The following PIK3C3 variants were observed in gnomAD, a reference collection of about 807,000 sequenced individuals.
PIK3C3 encodes PI3-kinase type 3.
A neutral mutation model predicts 126.1 loss-of-function variants in PIK3C3; 95 were observed. The ratio of observed to expected loss-of-function variants is 0.75; its 90% confidence interval spans 0.64 to 0.89. PIK3C3 has a LOEUF of 0.89. Among genes scored for constraint, PIK3C3 ranks in the 40% least tolerant of loss-of-function variants. The pLI is 0.00. For missense variants in PIK3C3, 829 were observed against 1,063.2 expected, an observed-to-expected ratio of 0.78 and a Z score of 3.06; for synonymous variants, 374 against 360.0, an observed-to-expected ratio of 1.04 and a Z score of -0.44.
chr18:41,966,760 T>C (rs1354694924), intron 3 of PIK3C3, among the ~76,000 whole-genome samples: 1 of 152,182 alleles, frequency 6.6e-6, no homozygotes, highest in Non-Finnish European at 1.5e-5. Context: ...CTGTTTTCCA[T>C]AGTCAGATAT....
At chr18:41,960,928 G>T (rs1211813369) in intron 2 of PIK3C3, among the ~76,000 whole-genome samples, 1 of 151,934 alleles carries the variant, frequency 6.6e-6, no homozygotes, top group Non-Finnish European at 1.5e-5. Context: ...TTTTAGTAGA[G>T]ACACGGTTTC....
intron 23 of PIK3C3, among the ~76,000 whole-genome samples, chr18:42,066,984 C>T (rs988745871): frequency 3.3e-5 from 5 of 151,818 alleles, no homozygotes; most frequent in Non-Finnish European, 4.4e-5. Context: ...TCATCCAATT[C>T]ACAAGGAATA....
chr18:42,053,599 A>AT (rs570246564), intron 21 of PIK3C3, among the ~76,000 whole-genome samples: 2 of 152,000 alleles, frequency 1.3e-5, no homozygotes, highest in African/African-American at 2.4e-5. Context: ...AAAATAATAG[A>AT]TTTTTTCCCA....
intron 20 of PIK3C3, 146 bp from the exon 21 acceptor site, chr18:42,049,385 A>ATTGCATAT (rs1239762002): frequency 2.0e-6 from 1 of 498,312 alleles, no homozygotes; most frequent in African/African-American, 2.0e-5. Context: ...AGACATGAAG[A>ATTGCATAT]TTGCATATTT....
chr18:42,050,462 T>C (rs564128594), intron 21 of PIK3C3: 2 of 152,326 alleles, frequency 1.3e-5, no homozygotes, highest in Admixed American at 1.3e-4. Context: ...ATTGTCATTA[T>C]ATATGGCCAG....
At chr18:42,069,021 G>A (rs957914586) in intron 24 of PIK3C3, among the ~76,000 whole-genome samples, 1 of 151,910 alleles carries the variant, frequency 6.6e-6, no homozygotes, top group Non-Finnish European at 1.5e-5. Flanking sequence ...CTTCCTGAAG[G>A]CTGGGCTTTG....
At chr18:42,015,587 G>A (rs1483908894) in intron 12 of PIK3C3, 21 bp downstream of exon 12, 4 of 1,556,738 alleles carry the variant, frequency 2.6e-6, no homozygotes, top group Non-Finnish European at 3.5e-6. Flanking sequence ...AGCTTTTCCA[G>A]CTTCCTATAG....
intron 7 of PIK3C3, among the ~76,000 whole-genome samples, 181 bp downstream of exon 7, chr18:41,993,522 A>G (rs1981881191): frequency 6.6e-6 from 1 of 152,130 alleles, no homozygotes; most frequent in South Asian, 2.1e-4. Flanking sequence ...AGGAATATTA[A>G]CATCTTAAAA....
chr18:41,984,436 T>C (rs1239573247), intron 4 of PIK3C3, among the ~76,000 whole-genome samples: 1 of 152,106 alleles, frequency 6.6e-6, no homozygotes, highest in Non-Finnish European at 1.5e-5. Flanking sequence ...TAGTGCTTTA[T>C]AGTTTTATAA....
intron 3 of PIK3C3, among the ~76,000 whole-genome samples, chr18:41,969,845 T>C (rs1157999852): frequency 6.6e-6 from 1 of 152,232 alleles, no homozygotes; most frequent in Non-Finnish European, 1.5e-5. Context: ...TTAAGTAGTT[T>C]ACCCTAGGTT....
At chr18:42,079,845 G>A (rs901099292) in intron 24 of PIK3C3, among the ~76,000 whole-genome samples, 1 of 152,068 alleles carries the variant, frequency 6.6e-6, no homozygotes, top group Non-Finnish European at 1.5e-5. Flanking sequence ...CCTTCAAAAA[G>A]AACCTTCTTT....
chr18:42,083,885 T>C lies in PIK3C3; in HGVS notation c.*2748T>C, dbSNP rs1482533921. 6.6e-6 allele frequency: 1 copy of C among 152,214 alleles called. No homozygotes were observed. Among genetic ancestry groups the C allele is most frequent in the Non-Finnish European group, 1.5e-5 (1 of 68,060 alleles). 9.4% of individuals were successfully genotyped at this position (152,214 alleles called of 1,614,324 possible). ...CAGCTTTCATTTTTCACTGAGATAATGGTAGTGATAGTACTGACCTCTAAT... is the reference window on the plus strand; with the variant it reads ...CAGCTTTCATTTTTCACTGAGATAACGGTAGTGATAGTACTGACCTCTAAT... On this transcript the variant is annotated 3_prime_UTR_variant, in exon 25 of 25. Coordinates refer to ENST00000262039, the MANE Select transcript of PIK3C3 (RefSeq NM_002647.4).
intron 2 of PIK3C3, 47 bp from the exon 3 acceptor site, chr18:41,962,442 G>A (rs1980136892): frequency 1.4e-6 from 2 of 1,399,424 alleles, no homozygotes; most frequent in East Asian, 2.7e-5. Flanking sequence ...TTAAAAGAAA[G>A]ATATATATAT....
At chr18:41,988,572 G>A (rs1981613572) in intron 5 of PIK3C3, among the ~76,000 whole-genome samples, 1 of 152,082 alleles carries the variant, frequency 6.6e-6, no homozygotes, top group Non-Finnish European at 1.5e-5. Context: ...TTTGTGATTT[G>A]TCTAATTTAT....
In PIK3C3 at chr18:42,009,084, T is replaced by A. The variant is rs961842113; in HGVS notation, c.1171-4358T>A. Among the ~76,000 whole-genome samples, 3 of 152,142 alleles carry A rather than the reference T, an allele frequency of 2.0e-5. No individual in the cohort carries two copies. The East Asian group carries it at 5.8e-4, about 29-fold the overall frequency. Reference sequence around the variant, plus strand: ...GATACCTGCCATTAAACATATTGTTTAATTTTCTGTTATATAATACTTTTT... The same window carrying A: ...GATACCTGCCATTAAACATATTGTTAAATTTTCTGTTATATAATACTTTTT... On this transcript the variant is annotated intron_variant, in intron 10 of 24. Transcript: ENST00000262039.
chr18:41,984,407 A>G (rs1171433776), intron 4 of PIK3C3, among the ~76,000 whole-genome samples: 1 of 152,132 alleles, frequency 6.6e-6, no homozygotes, highest in Non-Finnish European at 1.5e-5. Context: ...GCTAATTAGA[A>G]TAGCTGTTAC....
Position 42,082,846 on chromosome 18 carries a change from G to A in PIK3C3, c.*1709G>A, listed in dbSNP as rs528110385. The A allele has an allele frequency of 3.3e-5, 5 of 152,074 alleles. No homozygotes were observed. The highest frequency in any genetic ancestry group is 1.9e-4 in the East Asian group (1 of 5,198). 9.4% of individuals were successfully genotyped at this position (152,074 alleles called of 1,614,324 possible). ...AAGGCAAAAGTGTATCATCTTACTC[G>A]TCTTTATAAACTCCACAGCACTCTG... On this transcript the variant is annotated 3_prime_UTR_variant, in exon 25 of 25. Transcript: ENST00000262039.
chr18:42,069,145 A>G (rs1310237543), intron 24 of PIK3C3, among the ~76,000 whole-genome samples: 1 of 152,160 alleles, frequency 6.6e-6, no homozygotes, highest in African/African-American at 2.4e-5. Flanking sequence ...CTCAATAAAA[A>G]GGTGTTTTTC....
chr18:42,019,463 C>T (rs145101848), intron 12 of PIK3C3, among the ~76,000 whole-genome samples: 29 of 152,124 alleles, frequency 1.9e-4, no homozygotes, highest in Non-Finnish European at 4.0e-4. Context: ...TTCTTTTCAG[C>T]TTCTTCAGAG....
Sources: allele counts gnomAD v4.1 joint callset (sites outside exome capture counted in the v4.1 genomes callset), GRCh38; gene constraint gnomAD v4.1.1; transcripts MANE v1.5; gene names NCBI Gene and HGNC (gene_info 2026-07-23, HGNC 2026-07-21).